The following C3 variants were observed in gnomAD, a reference collection of about 807,000 sequenced individuals.
The protein encoded by C3 is C3 and PZP-like alpha-2-macroglobulin domain-containing protein 1.
Under a neutral mutation model 207.9 loss-of-function variants are expected in C3, and 97 were observed. The observed-to-expected ratio is 0.47, with a 90% CI of 0.40 to 0.55. The LOEUF is 0.55. C3 is among the 20% of genes least tolerant of loss of function. The pLI is 0.00. For synonymous variants in C3, 848 were observed against 857.6 expected, an observed-to-expected ratio of 0.99 and a Z score of 0.20; for missense variants, 1,684 against 2,171.7, an observed-to-expected ratio of 0.78 and a Z score of 4.46.
At chr19:6,717,932 CTGTA>C in intron 4 of C3, 158 bp downstream of exon 4, 1 of 747,184 alleles carries the variant, frequency 1.3e-6, no homozygotes, top group Non-Finnish European at 2.4e-6. Context: ...ATGTTGTGTG[CTGTA>C]TGTGTGTGTG....
intron 36 of C3, 32 bp from the exon 37 acceptor site, chr19:6,679,528 A>G: frequency 6.8e-7 from 1 of 1,470,808 alleles, no homozygotes; most frequent in South Asian, 1.1e-5. Context: ...AGATGAGAGG[A>G]TAAGGGCCTC....
Position 6,719,364 on chromosome 19 carries a change from G to A in C3, c.114C>T (p.Ser38=), listed in dbSNP as rs775319575. The stretch of plus-strand genomic sequence containing the variant: ...GGGCCTCCAGCACCATGGTCTCCTC[G>A]CTCTCCAGCCGCAAGATGTTGGGGG... ...IITPNILRLE[S]EETMVLEAHD... is the part of the protein sequence containing the mutation. The change falls in exon 2 of 41, where the codon AGC becomes AGT. Residue 38 remains serine, a synonymous_variant. Coordinates refer to ENST00000245907, the MANE Select transcript of C3 (RefSeq NM_000064.4). This position sits in a 1 kb window ranked among gnomAD's most constrained non-coding sequence, Gnocchi z 5.4. 20 of 1,613,946 alleles carry A rather than the reference G, an allele frequency of 1.2e-5. No homozygotes were observed. Among genetic ancestry groups the A allele is most frequent in the Admixed American group, 6.7e-5 (4 of 60,008 alleles).
At position 6,700,325 on chromosome 19, in the gene C3, CAT is replaced by C. The variant is rs1028741931; in HGVS notation, c.2440+1800_2440+1801del. ...GCAATATATATTATATGTAATATAA[CAT>C]ATTACATGTAATATGTAATATATGA... On this transcript the variant is annotated intron_variant, in intron 19 of 40. Coordinates refer to ENST00000245907, the MANE Select transcript of C3 (RefSeq NM_000064.4). 8.0e-5 allele frequency among the ~76,000 whole-genome samples: 7 copies of C among 87,822 alleles called. 3 individuals carry two copies. Among genetic ancestry groups the C allele is most frequent in the African/African-American group, 1.3e-4 (3 of 23,076 alleles). 57.6% of individuals were successfully genotyped at this position (87,822 alleles called of 152,430 possible). A position where few individuals can be genotyped will look rare whatever the true frequency, so the allele number is the denominator to read the frequency against.
At chr19:6,700,213 AT>A (rs200712189) in intron 19 of C3, among the ~76,000 whole-genome samples, 8 of 135,074 alleles carry the variant, frequency 5.9e-5, no homozygotes, top group South Asian at 2.3e-4. Context: ...ATATGTATAT[AT>A]TACATATATA....
At chr19:6,706,785 G>C (rs1967784408) in intron 17 of C3, among the ~76,000 whole-genome samples, 1 of 120,336 alleles carries the variant, frequency 8.3e-6, no homozygotes, top group African/African-American at 3.3e-5. Context: ...TCCTCAGACA[G>C]AGGCCTCCTC....
chr19:6,719,109 G>C lies in C3; in HGVS notation c.267+102C>G. 3 of 1,057,030 alleles carry C rather than the reference G, an allele frequency of 2.8e-6. No homozygotes were observed. The highest frequency in any genetic ancestry group is 4.4e-6 in the Non-Finnish European group (3 of 679,724). 65.5% of individuals were successfully genotyped at this position (1,057,030 alleles called of 1,614,324 possible). A position where few individuals can be genotyped will look rare whatever the true frequency, so the allele number is the denominator to read the frequency against. On this transcript the variant is annotated intron_variant, in intron 2 of 40. Transcript: ENST00000245907. This position sits in a 1 kb window ranked among gnomAD's most constrained non-coding sequence, Gnocchi z 5.4. Reference sequence around the variant, plus strand: ...AGGGGTGGAGTCTCAGGGAAGGGCAGGGCTTAGAAAGGGAGAAGACAGAAG... The same window carrying C: ...AGGGGTGGAGTCTCAGGGAAGGGCACGGCTTAGAAAGGGAGAAGACAGAAG...
intron 4 of C3, 153 bp downstream of exon 4, chr19:6,717,941 T>G: frequency 1.3e-6 from 1 of 771,120 alleles, no homozygotes; most frequent in South Asian, 1.4e-5. Context: ...GCTGTATGTG[T>G]GTGTGTTGTG....
In C3 at chr19:6,697,579, G is replaced by A. The variant is rs11569471; in HGVS notation, c.2584-23C>T. The A allele has an allele frequency of 7.9e-3, 12,738 of 1,613,604 alleles. 869 individuals carry two copies. In the African/African-American group the frequency reaches 0.15, roughly 19 times the overall value. The stretch of plus-strand genomic sequence containing the variant: ...CACCTGCCAGGGAGAGAAAGGATCC[G>A]GGCAAGTGTGTGTGCAACAGGCTAC... On this transcript the variant is annotated intron_variant, in intron 20 of 40. Transcript: ENST00000245907.
rs369027752 is a variant in C3 at position 6,685,073 on chromosome 19, T to A, written c.3884A>T (p.Asp1295Val). 1.2e-5 allele frequency: 19 copies of A among 1,613,854 alleles called. No individual in the cohort carries two copies. In the African/African-American group the frequency reaches 1.3e-4, roughly 11 times the overall value. The change falls in exon 30 of 41, where the codon GAT becomes GTT. Residue 1295 changes from aspartate to valine, a missense_variant. Asp to Val is a radical substitution (Grantham distance 152). Coordinates refer to ENST00000245907, the MANE Select transcript of C3 (RefSeq NM_000064.4). ...DAPDHQELNL[D>V]VSLQLPSRSS... ...GCGGCTGGGCAGTTGGAGGGACACA[T>A]CAAGGTTCAGTTCCTGGTGGTCAGG...
chr19:6,710,230 G>C (rs1444526859), intron 13 of C3, among the ~76,000 whole-genome samples: 1 of 108,362 alleles, frequency 9.2e-6, no homozygotes, highest in Non-Finnish European at 2.0e-5. Flanking sequence ...GAGAGAAGGA[G>C]AGAGAGGGAG....
chr19:6,696,344 T>C, intron 23 of C3, 35 bp downstream of exon 23: 1 of 1,462,728 alleles, frequency 6.8e-7, no homozygotes, highest in Non-Finnish European at 9.5e-7. Context: ...CATGCCCTCC[T>C]GGGACCCATG....
chr19:6,709,077 C>T lies in C3; in HGVS notation c.1845+607G>A, dbSNP rs865905569. Among the ~76,000 whole-genome samples the T allele has an allele frequency of 4.6e-5, 7 of 152,294 alleles. No homozygotes were observed. In the South Asian group the frequency reaches 8.3e-4, roughly 18 times the overall value. On this transcript the variant is annotated intron_variant, in intron 14 of 40. Coordinates refer to ENST00000245907, the MANE Select transcript of C3 (RefSeq NM_000064.4). ...CCCAAGCCAACCCCATCTCCATCTT[C>T]GTCCCTACTCCGGAAACCTTCCCCA... is the stretch of plus-strand genomic sequence containing the variant.
chr19:6,702,617 G>A (rs753928933), intron 17 of C3, 38 bp from the exon 18 acceptor site: 9 of 1,410,302 alleles, frequency 6.4e-6, no homozygotes, highest in Non-Finnish European at 9.1e-6. Flanking sequence ...AACAGAGCAG[G>A]CCAGTTGCCA....
intron 14 of C3, among the ~76,000 whole-genome samples, 176 bp from the exon 15 acceptor site, chr19:6,708,105 C>T (rs7248455): frequency 9.9e-6 from 1 of 101,160 alleles, no homozygotes; most frequent in African/African-American, 3.8e-5. Context: ...CTTCTCTCTC[C>T]TTCCTTCTCT....
chr19:6,687,498 C>T (rs914325125), intron 27 of C3, among the ~76,000 whole-genome samples: 9 of 152,132 alleles, frequency 5.9e-5, no homozygotes, highest in Admixed American at 1.3e-4. Flanking sequence ...GCAAAGACCA[C>T]CTAGGAAATA....
In C3 at chr19:6,678,394, G is replaced by A; in HGVS notation, c.4692C>T (p.Ala1564=). ...GACCTGACTTGATGGTCTGCTCAATGGCCATGATGTACTCGTCAAAGTCAT... is the reference window on the plus strand; with the variant it reads ...GACCTGACTTGATGGTCTGCTCAATAGCCATGATGTACTCGTCAAAGTCAT... ...LSNDFDEYIM[A]IEQTIKSGSD... The change falls in exon 39 of 41, where the codon GCC becomes GCT. Residue 1564 remains alanine (A), a synonymous_variant. Transcript: ENST00000245907. 1.2e-6 allele frequency: 2 copies of A among 1,614,140 alleles called. No homozygotes were observed. The highest frequency in any genetic ancestry group is 1.7e-6 in the Non-Finnish European group (2 of 1,180,010).
chr19:6,678,030 G>A lies in C3; in HGVS notation c.4851-7C>T. ...CCCGATGATGTAGCTGAGGCTGGAG[G>A]GAAGAATGGCAGGTCAGGAAGGGGC... On this transcript the variant is annotated splice_region_variant and splice_polypyrimidine_tract_variant and intron_variant, in intron 40 of 40. Transcript: ENST00000245907. The A allele has an allele frequency of 6.2e-7, 1 of 1,614,150 alleles. No individual in the cohort carries two copies. The highest frequency in any genetic ancestry group is 8.5e-7 in the Non-Finnish European group (1 of 1,180,016).
intron 33 of C3, chr19:6,683,446 A>ATTTTTTTTTTTTTTTTT (rs770744810): frequency 8.6e-5 from 8 of 93,430 alleles, no homozygotes; most frequent in East Asian, 3.0e-4. Context: ...GTTTTATTCT[A>ATTTTTTTTTTTTTTTTT]TTTTTTTTTT....
At position 6,715,619 on chromosome 19, in the gene C3, G is replaced by GTTT. The variant is rs375022094; in HGVS notation, c.505-1176_505-1174dup. ...ACATATAAAAATCTGTTTTTTTTTT[G>GTTT]TTTTTTTTGTTTTTTTTTTTGAGAC... On this transcript the variant is annotated intron_variant, in intron 4 of 40. Coordinates refer to ENST00000245907, the MANE Select transcript of C3 (RefSeq NM_000064.4). Among the ~76,000 whole-genome samples, 13 of 71,304 alleles carry GTTT rather than the reference G, an allele frequency of 1.8e-4. 1 individual carries two copies. The highest frequency in any genetic ancestry group is 2.7e-4 in the Non-Finnish European group (9 of 33,446). The allele number at this position is 71,304 out of a possible 152,430, so 46.8% of individuals were successfully genotyped here.
Sources: gnomAD v4.1 joint callset for allele counts (sites outside exome capture counted in the v4.1 genomes callset) on GRCh38, gnomAD v4.1.1 for gene constraint, Gnocchi (gnomAD v3.1) non-coding constraint, MANE v1.5 for transcripts, NCBI Gene and HGNC (gene_info 2026-07-23, HGNC 2026-07-21) for gene names.